Variants in FRMD4A observed in about 807,000 individuals in gnomAD.
FRMD4A encodes the protein FERM domain-containing protein 4A.
A neutral mutation model predicts 129.1 loss-of-function variants in FRMD4A; 29 were observed. The observed-to-expected ratio is 0.22, with a 90% confidence interval of 0.17 to 0.31. The LOEUF (loss-of-function observed/expected upper bound fraction) is 0.31, where lower values mean the gene tolerates loss of function less well. FRMD4A is among the 10% of genes least tolerant of loss of function. The probability of loss-of-function intolerance (pLI) is 1.00; values close to 1 mark genes in which losing one functional copy is unlikely to be tolerated. For missense variants in FRMD4A, 1,272 were observed against 1,375.8 expected, an observed-to-expected ratio of 0.92 and a Z score of 1.19; for synonymous variants, 634 against 571.6, an observed-to-expected ratio of 1.11 and a Z score of -1.56.
At chr10:13,658,618 C>T (rs892889642) in intron 21 of FRMD4A, among the ~76,000 whole-genome samples, 4 of 152,164 alleles carry the variant, frequency 2.6e-5, no homozygotes, top group African/African-American at 7.2e-5. Context: ...CGGTGGCTCA[C>T]GTCTCTAATC....
chr10:14,046,111 T>C (rs1354330469), intron 2 of FRMD4A, among the ~76,000 whole-genome samples: 1 of 151,988 alleles, frequency 6.6e-6, no homozygotes, highest in Non-Finnish European at 1.5e-5. Context: ...CATTTGATTA[T>C]TGAAATATAC....
chr10:13,655,893 G>A (rs1425281810), intron 22 of FRMD4A: 1 of 152,028 alleles, frequency 6.6e-6, no homozygotes, highest in Non-Finnish European at 1.5e-5. Flanking sequence ...GCTCAATGTT[G>A]GTCATTGTCA....
chr10:14,330,021 A>G (rs1307270616), intron 2 of FRMD4A, 37 bp downstream of exon 2: 2 of 1,549,262 alleles, frequency 1.3e-6, no homozygotes, highest in Non-Finnish European at 1.7e-6. Context: ...GCTGGAGTGG[A>G]CGCTGCCCGG....
intron 2 of FRMD4A, among the ~76,000 whole-genome samples, chr10:14,312,502 T>G (rs866340578): frequency 1.3e-5 from 2 of 152,200 alleles, no homozygotes; most frequent in African/African-American, 4.8e-5. Context: ...TAGGAATCTA[T>G]CCTACATTAT....
chr10:13,958,600 CTT>C (rs35600004), intron 2 of FRMD4A, among the ~76,000 whole-genome samples: 20 of 134,272 alleles, frequency 1.5e-4, no homozygotes, highest in African/African-American at 5.7e-4. Flanking sequence ...TTCTTTCTTT[CTT>C]TTTTTTTTTC....
At chr10:13,869,562 G>A (rs2094416281) in intron 2 of FRMD4A, among the ~76,000 whole-genome samples, 1 of 152,248 alleles carries the variant, frequency 6.6e-6, no homozygotes, top group Non-Finnish European at 1.5e-5. Context: ...AATGGCATGG[G>A]CCCCAGAATT....
At chr10:13,750,470 A>G (rs2091561086) in intron 8 of FRMD4A, among the ~76,000 whole-genome samples, 1 of 152,216 alleles carries the variant, frequency 6.6e-6, no homozygotes, top group South Asian at 2.1e-4. Context: ...CACAGGGGTG[A>G]TGTGTGATCA....
chr10:14,069,700 A>G (rs898638351), intron 2 of FRMD4A, among the ~76,000 whole-genome samples: 3 of 152,300 alleles, frequency 2.0e-5, no homozygotes, highest in African/African-American at 4.8e-5. Context: ...ACTTAATAAT[A>G]TGATTTACTA....
intron 18 of FRMD4A, among the ~76,000 whole-genome samples, chr10:13,664,782 T>G (rs2082886265): frequency 6.6e-6 from 1 of 152,112 alleles, no homozygotes; most frequent in Non-Finnish European, 1.5e-5. Flanking sequence ...ATAATCATAG[T>G]GGACTACAGT....
In FRMD4A at chr10:14,279,599, C is replaced by T. The variant is rs150247184; in HGVS notation, c.45+50459G>A. On this transcript the variant is annotated intron_variant, in intron 2 of 24. Coordinates refer to ENST00000357447, the MANE Select transcript of FRMD4A (RefSeq NM_018027.5). Reference sequence around the variant, plus strand: ...ACTTCTTCCAAGAAAGACAGTTACTCCTTTAATCAGATCAAATTACCTTAA... The same window carrying T: ...ACTTCTTCCAAGAAAGACAGTTACTTCTTTAATCAGATCAAATTACCTTAA... Among the ~76,000 whole-genome samples, 15 of 152,290 alleles carry T rather than the reference C, an allele frequency of 9.8e-5. No individual in the cohort carries two copies. The East Asian group carries it at 2.3e-3, about 24-fold the overall frequency.
intron 2 of FRMD4A, among the ~76,000 whole-genome samples, chr10:14,323,181 C>T (rs1589313446): frequency 6.6e-6 from 1 of 152,136 alleles, no homozygotes; most frequent in Admixed American, 6.5e-5. Context: ...CAGAACTGGG[C>T]AACTTGTTTC....
chr10:13,790,161 G>C (rs1332513241), intron 5 of FRMD4A, among the ~76,000 whole-genome samples: 2 of 132,128 alleles, frequency 1.5e-5, no homozygotes, highest in East Asian at 5.5e-4. Context: ...AAGCGGGAGG[G>C]AGCGGTGAGG....
At chr10:14,016,946 G>T (rs7922430) in intron 2 of FRMD4A, among the ~76,000 whole-genome samples, 3,204 of 152,314 alleles carry the variant, frequency 0.021, 114 homozygotes, top group African/African-American at 0.074. Flanking sequence ...TGTTCAGCTC[G>T]TCATCCACAG....
At chr10:13,838,873 T>C (rs888780032) in intron 3 of FRMD4A, among the ~76,000 whole-genome samples, 1 of 152,144 alleles carries the variant, frequency 6.6e-6, no homozygotes, top group African/African-American at 2.4e-5. Context: ...CCGTTTTCTT[T>C]ATTATACAGT....
At chr10:14,093,708 G>C (rs116414103) in intron 2 of FRMD4A, among the ~76,000 whole-genome samples, 1 of 82,102 alleles carries the variant, frequency 1.2e-5, no homozygotes, top group South Asian at 4.8e-4. Context: ...AGAGCAGATG[G>C]CATTTCATCA....
chr10:13,852,112 C>T (rs2094147474), intron 3 of FRMD4A, among the ~76,000 whole-genome samples: 1 of 152,038 alleles, frequency 6.6e-6, no homozygotes, highest in African/African-American at 2.4e-5. Context: ...CCATACCTCC[C>T]ACACCCCATC....
chr10:14,296,089 G>A (rs933595170), intron 2 of FRMD4A, among the ~76,000 whole-genome samples: 15 of 149,508 alleles, frequency 1.0e-4, no homozygotes, highest in Non-Finnish European at 1.6e-4. Context: ...GCCTGGCGAC[G>A]GGGGGTCTCT....
chr10:13,804,978 G>A lies in FRMD4A; in HGVS notation c.206+5836C>T, dbSNP rs551716977. Among the ~76,000 whole-genome samples, 3 of 152,204 alleles carry A rather than the reference G, an allele frequency of 2.0e-5. No homozygotes were observed. In the South Asian group the frequency reaches 6.2e-4, roughly 32 times the overall value. On this transcript the variant is annotated intron_variant, in intron 4 of 24. Coordinates refer to ENST00000357447, the MANE Select transcript of FRMD4A (RefSeq NM_018027.5). ...AAGATCCTTAATTGTTTACTGTCTA[G>A]GTTCTTAAACTAACATCCTGGCCGC...
At chr10:13,995,877 C>T (rs879338438) in intron 2 of FRMD4A, among the ~76,000 whole-genome samples, 5 of 152,000 alleles carry the variant, frequency 3.3e-5, no homozygotes, top group Admixed American at 1.3e-4. Context: ...ACCTGACAAC[C>T]CAGAGCTGGG....
Sources: allele counts gnomAD v4.1 joint callset (sites outside exome capture counted in the v4.1 genomes callset), GRCh38; gene constraint gnomAD v4.1.1; transcripts MANE v1.5; gene names NCBI Gene and HGNC (gene_info 2026-07-23, HGNC 2026-07-21).